DNAH12: variants seen among roughly 807,000 people sequenced by gnomAD.
DNAH12 encodes dynein axonemal heavy chain 12, also known as axonemal beta dynein heavy chain 12.
A neutral mutation model predicts 371.5 loss-of-function variants in DNAH12; 285 were observed. That is an observed-to-expected ratio of 0.77 (90% CI 0.70 to 0.85). The LOEUF (loss-of-function observed/expected upper bound fraction) is 0.85, where lower values mean the gene tolerates loss of function less well. Ranked by LOEUF, DNAH12 falls within the 40% of genes least tolerant of loss-of-function variation. The probability of loss-of-function intolerance (pLI) is 0.00; values close to 1 mark genes in which losing one functional copy is unlikely to be tolerated. For missense variants in DNAH12, 3,611 were observed against 3,689.4 expected (o/e 0.98, Z 0.55); for synonymous variants, 1,200 against 1,213.0 (o/e 0.99, Z 0.22).
Position 57,381,451 on chromosome 3 carries a change from G to A in DNAH12, c.7992+811C>T, listed in dbSNP as rs1002465476. 7.0e-3 allele frequency among the ~76,000 whole-genome samples: 1,071 copies of A among 151,972 alleles called. 10 individuals carry two copies. The highest frequency in any genetic ancestry group is 0.024 in the African/African-American group (995 of 41,446). On this transcript the variant is annotated intron_variant, in intron 50 of 73. Coordinates refer to ENST00000495027, the MANE Select transcript of DNAH12 (RefSeq NM_001366028.2). ...TGGATACTATGCCTTCCTTTTTAAGGGATGTATCCTGGAATAATAATTATA... is the reference window on the plus strand; with the variant it reads ...TGGATACTATGCCTTCCTTTTTAAGAGATGTATCCTGGAATAATAATTATA...
Position 57,293,875 on chromosome 3 carries a change from G to T in DNAH12, c.11789C>A (p.Thr3930Asn). The change falls in exon 74 of 74, where the codon ACT becomes AAT. Residue 3930 changes from threonine (T) to asparagine (N), a missense_variant. Transcript: ENST00000495027. The stretch of plus-strand genomic sequence containing the variant: ...TAACAACATTGCAATGACAAAGTTA[G>T]TAGAATGTCCCGTAGTGGAAAGAGT... ...KGTLSTTGHS[T>N]NFVIAMLLKT... is the part of the protein sequence containing the mutation. 1 of 1,549,634 alleles carries T rather than the reference G, an allele frequency of 6.5e-7. No homozygotes were observed. The highest frequency in any genetic ancestry group is 8.7e-7 in the Non-Finnish European group (1 of 1,146,140).
chr3:57,354,562 GA>G (rs2062755617), intron 59 of DNAH12, among the ~76,000 whole-genome samples: 2 of 127,456 alleles, frequency 1.6e-5, no homozygotes, highest in African/African-American at 2.9e-5. Context: ...AAAAAAAAAA[GA>G]AAAAAAATCT....
chr3:57,370,423 T>C (rs2063146097), intron 55 of DNAH12, among the ~76,000 whole-genome samples: 2 of 152,302 alleles, frequency 1.3e-5, no homozygotes, highest in African/African-American at 4.8e-5. Context: ...AACCAAGGCA[T>C]TGAGAGGTCA....
chr3:57,460,979 C>G (rs1389748553), intron 19 of DNAH12, among the ~76,000 whole-genome samples: 1 of 152,098 alleles, frequency 6.6e-6, no homozygotes, highest in African/African-American at 2.4e-5. Context: ...GTTGTCTTTC[C>G]CCAATTTATA....
Position 57,427,138 on chromosome 3 carries a change from A to ATGTGTGTGTGTGTGTGTGTG in DNAH12, c.5253+1475_5253+1494dup, listed in dbSNP as rs71088070. ...ATATTTATTTATATGTAAGAAGCGA[A>ATGTGTGTGTGTGTGTGTGTG]TGTGTGTGTGTGTGTGTGTGTGTGT... On this transcript the variant is annotated intron_variant, in intron 34 of 73. Coordinates refer to ENST00000495027, the MANE Select transcript of DNAH12 (RefSeq NM_001366028.2). Among the ~76,000 whole-genome samples, 423 of 138,856 alleles carry ATGTGTGTGTGTGTGTGTGTG rather than the reference A, an allele frequency of 3.0e-3. 4 individuals are homozygous for ATGTGTGTGTGTGTGTGTGTG. The highest frequency in any genetic ancestry group is 9.7e-3 in the African/African-American group (348 of 36,014). The allele number at this position is 138,856 out of a possible 152,430, so 91.1% of individuals were successfully genotyped here. A position where few individuals can be genotyped will look rare whatever the true frequency, so the allele number is the denominator to read the frequency against.
chr3:57,359,577 A>AAG (rs1553663713), intron 58 of DNAH12, among the ~76,000 whole-genome samples: 25 of 145,126 alleles, frequency 1.7e-4, no homozygotes, highest in Non-Finnish European at 3.1e-4. Flanking sequence ...AAAAAAAAAA[A>AAG]AAAGAAAGAA....
chr3:57,343,142 A>G (rs1199094961), intron 60 of DNAH12, among the ~76,000 whole-genome samples: 8 of 152,188 alleles, frequency 5.3e-5, no homozygotes, highest in African/African-American at 1.9e-4. Flanking sequence ...ATGGCCAAAA[A>G]CACATGAAAA....
chr3:57,381,434 A>G (rs2063388684), intron 50 of DNAH12, among the ~76,000 whole-genome samples: 2 of 152,180 alleles, frequency 1.3e-5, no homozygotes, highest in South Asian at 4.1e-4. Flanking sequence ...AATGGATACT[A>G]TGCCTTCCTT....
At chr3:57,442,912 C>T (rs947576280) in intron 29 of DNAH12, among the ~76,000 whole-genome samples, 3 of 151,990 alleles carry the variant, frequency 2.0e-5, no homozygotes, top group Non-Finnish European at 4.4e-5. Flanking sequence ...GCAGTCATAT[C>T]GTAAAGAGAA....
At chr3:57,491,428 C>T (rs978233984) in intron 11 of DNAH12, among the ~76,000 whole-genome samples, 1 of 152,086 alleles carries the variant, frequency 6.6e-6, no homozygotes, top group African/African-American at 2.4e-5. Context: ...GTTATAATTA[C>T]CTATCGGTCT....
intron 60 of DNAH12, among the ~76,000 whole-genome samples, chr3:57,335,965 A>T (rs1314616120): frequency 6.6e-6 from 1 of 152,212 alleles, no homozygotes; most frequent in East Asian, 1.9e-4. Flanking sequence ...CTACTGTAAG[A>T]AAGCTTAAAC....
At chr3:57,346,867 A>G (rs769104570) in intron 60 of DNAH12, among the ~76,000 whole-genome samples, 3 of 151,594 alleles carry the variant, frequency 2.0e-5, no homozygotes, top group Non-Finnish European at 1.5e-5. Flanking sequence ...AATTAAGAGG[A>G]GCATTACGTA....
At position 57,405,816 on chromosome 3, in the gene DNAH12, A is replaced by T. The variant is rs1553681000; in HGVS notation, c.6413T>A (p.Met2138Lys). 1 of 1,551,728 alleles carries T rather than the reference A, an allele frequency of 6.4e-7. No individual in the cohort carries two copies. Among genetic ancestry groups the T allele is most frequent in the Non-Finnish European group, 8.7e-7 (1 of 1,146,994 alleles). ...ERDAVANKHTMIRLFVHEVLR... is the reference protein window; with the variant it reads ...ERDAVANKHTKIRLFVHEVLR... ...AACCTCATGCACAAACAGACGGATCATAGTGTGTTTGTTCGCCACGGCGTC... is the reference window on the plus strand; with the variant it reads ...AACCTCATGCACAAACAGACGGATCTTAGTGTGTTTGTTCGCCACGGCGTC... The change falls in exon 41 of 74, where the codon ATG (methionine) becomes AAG (lysine). Residue 2138 changes from methionine to lysine, a missense_variant. This residue lies in a region of DNAH12 where 2,266 missense variants were observed against 2,236.9 expected (regional missense o/e 1.01). Coordinates refer to ENST00000495027, the MANE Select transcript of DNAH12 (RefSeq NM_001366028.2).
chr3:57,461,369 A>C (rs1007464894), intron 19 of DNAH12, 120 bp downstream of exon 19: 9 of 826,768 alleles, frequency 1.1e-5, no homozygotes, highest in Non-Finnish European at 1.5e-5. Context: ...TTATAGGTCT[A>C]TGATTTGAAT....
At chr3:57,474,621 AT>A (rs1432279934) in intron 13 of DNAH12, among the ~76,000 whole-genome samples, 1 of 152,172 alleles carries the variant, frequency 6.6e-6, no homozygotes, top group Non-Finnish European at 1.5e-5. Flanking sequence ...TAAATAGAAA[AT>A]TTTAAAAGAA....
intron 43 of DNAH12, among the ~76,000 whole-genome samples, chr3:57,396,278 CAAAAAAAAAAACAAA>C (rs1233020786): frequency 1.0e-5 from 1 of 100,414 alleles, no homozygotes; most frequent in East Asian, 3.3e-4. Flanking sequence ...GACTGCATCT[CAAAAAAAAAAACAAA>C]AAAAAAAAAA....
chr3:57,429,976 T>C (rs1000847866), intron 32 of DNAH12, among the ~76,000 whole-genome samples: 1 of 152,078 alleles, frequency 6.6e-6, no homozygotes, highest in African/African-American at 2.4e-5. Flanking sequence ...CGAGTCTCAG[T>C]CTCTTCATCT....
chr3:57,316,133 C>CTTT (rs10652760), intron 65 of DNAH12, among the ~76,000 whole-genome samples: 4 of 144,482 alleles, frequency 2.8e-5, no homozygotes, highest in African/African-American at 5.2e-5. Context: ...ACCCCTTCCC[C>CTTT]TTTTTTTTTT....
At chr3:57,429,842 T>C in intron 32 of DNAH12, 68 bp from the exon 33 acceptor site, 2 of 1,308,950 alleles carry the variant, frequency 1.5e-6, no homozygotes, top group South Asian at 1.6e-5. Flanking sequence ...AAATTTATAC[T>C]ATGTATAAAA....
Sources: gnomAD v4.1 joint callset for allele counts (sites outside exome capture counted in the v4.1 genomes callset) on GRCh38, gnomAD v4.1.1 for gene constraint, gnomAD v4.1.1 regional missense constraint, MANE v1.5 for transcripts, NCBI Gene and HGNC (gene_info 2026-07-23, HGNC 2026-07-21) for gene names.